Variants in IL7 observed in about 807,000 individuals in gnomAD.
The protein encoded by IL7 is interleukin-7.
IL7 carries 3 observed loss-of-function variants against 21.6 expected under a neutral mutation model. That is an observed-to-expected ratio of 0.14 (90% CI 0.06 to 0.36). IL7 has a LOEUF of 0.36. Ranked by LOEUF, IL7 falls within the 10% of genes least tolerant of loss-of-function variation. The pLI is 1.00. For missense variants in IL7, 175 were observed against 200.2 expected, an observed-to-expected ratio of 0.87 and a Z score of 0.76; for synonymous variants, 62 against 68.1, an observed-to-expected ratio of 0.91 and a Z score of 0.44.
downstream of IL7, among the ~76,000 whole-genome samples, chr8:78,716,205 C>T (rs1327508258): frequency 1.3e-5 from 2 of 151,560 alleles, no homozygotes; most frequent in Admixed American, 6.6e-5. Flanking sequence ...TCACTGCAAG[C>T]TGTGCCTCCC....
intron 3 of IL7, among the ~76,000 whole-genome samples, chr8:78,739,623 C>T (rs2130688256): frequency 6.6e-6 from 1 of 150,882 alleles, no homozygotes; most frequent in South Asian, 2.1e-4. Flanking sequence ...AACCAGGAGG[C>T]GGAGTTTGCA....
chr8:78,761,918 A>C, intron 2 of IL7: 1 of 1,611,420 alleles, frequency 6.2e-7, no homozygotes, highest in Non-Finnish European at 8.5e-7. Context: ...CAAGATTTCA[A>C]GTAGATATTT....
intron 4 of IL7, chr8:78,721,205 A>G (rs181037986): frequency 2.0e-5 from 3 of 152,166 alleles, no homozygotes; most frequent in East Asian, 3.9e-4. Context: ...TTTATCATGA[A>G]GATACCAAAA....
intron 4 of IL7, chr8:78,678,675 C>A (rs372195442): frequency 1.9e-6 from 3 of 1,602,866 alleles, no homozygotes; most frequent in Non-Finnish European, 2.6e-6. Flanking sequence ...CCTCTCAAAC[C>A]GAGGGTAACT....
At chr8:78,707,147 A>G (rs1810799022) in intron 3 of IL7, among the ~76,000 whole-genome samples, 3 of 152,236 alleles carry the variant, frequency 2.0e-5, no homozygotes, top group Non-Finnish European at 4.4e-5. Context: ...ACCATATCAC[A>G]GAGAATTGGC....
At chr8:78,717,251 G>A (rs2130621511), downstream of IL7, 2 of 1,323,572 alleles carry the variant, frequency 1.5e-6, no homozygotes, top group East Asian at 4.8e-5. Context: ...TTATATTTAT[G>A]TCCTGTTTCT....
Position 78,733,546 on chromosome 8 carries a change from C to A in IL7, c.*167G>T. The A allele has an allele frequency of 1.7e-6, 1 of 575,012 alleles. No homozygotes were observed. The highest frequency in any genetic ancestry group is 2.3e-5 in the South Asian group (1 of 43,918). 35.6% of individuals were successfully genotyped at this position (575,012 alleles called of 1,614,324 possible). A position where few individuals can be genotyped will look rare whatever the true frequency, so the allele number is the denominator to read the frequency against. ...GCATTCAGTTTCCATTGTTTGTATT[C>A]ATCTTCTAGTAATACAATATGCATT... On this transcript the variant is annotated 3_prime_UTR_variant, in exon 6 of 6. Coordinates refer to ENST00000263851, the MANE Select transcript of IL7 (RefSeq NM_000880.4).
At chr8:78,803,060 C>T (rs919203734) in intron 1 of IL7, among the ~76,000 whole-genome samples, 2 of 152,096 alleles carry the variant, frequency 1.3e-5, no homozygotes, top group Non-Finnish European at 2.9e-5. Context: ...CACGTAAGTT[C>T]GTTCTATGAA....
chr8:78,705,788 G>A (rs1292586490), intron 3 of IL7, among the ~76,000 whole-genome samples: 2 of 152,152 alleles, frequency 1.3e-5, no homozygotes, highest in Non-Finnish European at 2.9e-5. Flanking sequence ...GCTGGCTGGA[G>A]GTCCCAGTTG....
downstream of IL7, chr8:78,715,332 T>C (rs751198940): frequency 1.8e-5 from 29 of 1,604,810 alleles, no homozygotes; most frequent in Non-Finnish European, 2.3e-5. Context: ...TAGCCAGGTA[T>C]GTTTAGCTCT....
At chr8:78,704,174 G>C (rs925578823) in intron 3 of IL7, among the ~76,000 whole-genome samples, 23 of 152,002 alleles carry the variant, frequency 1.5e-4, no homozygotes, top group African/African-American at 2.4e-5. Context: ...CTGAGGTCAG[G>C]AGTTCAAGAC....
chr8:78,742,675 G>A (rs1043164123), intron 2 of IL7, among the ~76,000 whole-genome samples: 1 of 152,048 alleles, frequency 6.6e-6, no homozygotes, highest in Admixed American at 6.5e-5. Context: ...TCTTTACAGT[G>A]AGTTATATGC....
At chr8:78,685,795 A>C (rs1325094105) in intron 4 of IL7, 1 of 152,202 alleles carries the variant, frequency 6.6e-6, no homozygotes, top group East Asian at 1.9e-4. Context: ...TCTATGGAAA[A>C]ACAGGGAAAT....
At chr8:78,775,253 G>C (rs1018588029) in intron 2 of IL7, among the ~76,000 whole-genome samples, 3 of 152,070 alleles carry the variant, frequency 2.0e-5, no homozygotes, top group Non-Finnish European at 4.4e-5. Context: ...AGCTATCAGT[G>C]TTCATGTTAA....
At chr8:78,740,165 A>T in intron 2 of IL7, 83 bp from the exon 3 acceptor site, 1 of 793,510 alleles carries the variant, frequency 1.3e-6, no homozygotes, top group Non-Finnish European at 1.7e-6. Context: ...ATAATCTTAT[A>T]ATATCTGATA....
intron 3 of IL7, among the ~76,000 whole-genome samples, chr8:78,705,118 C>T (rs1810730799): frequency 6.6e-6 from 1 of 152,238 alleles, no homozygotes; most frequent in South Asian, 2.1e-4. Flanking sequence ...CTGTCTCAGC[C>T]TCAGCCTGAT....
intron 2 of IL7, among the ~76,000 whole-genome samples, chr8:78,757,376 A>G (rs1045627578): frequency 3.9e-5 from 6 of 152,024 alleles, no homozygotes; most frequent in Admixed American, 6.6e-5. Flanking sequence ...GTTGGATAAA[A>G]TATTACGTAA....
downstream of IL7, chr8:78,715,219 A>AGG (rs780143924): frequency 6.2e-7 from 1 of 1,611,292 alleles, no homozygotes; most frequent in African/African-American, 1.3e-5. Context: ...TCTTTTTTAT[A>AGG]GAGCTAATGT....
At chr8:78,796,164 T>C (rs1813846976) in intron 2 of IL7, among the ~76,000 whole-genome samples, 1 of 152,062 alleles carries the variant, frequency 6.6e-6, no homozygotes, top group Non-Finnish European at 1.5e-5. Context: ...TGATTGTCTA[T>C]GTAGAAAATT....
Sources: gnomAD v4.1 joint callset for allele counts (sites outside exome capture counted in the v4.1 genomes callset) on GRCh38, gnomAD v4.1.1 for gene constraint, MANE v1.5 for transcripts, NCBI Gene and HGNC (gene_info 2026-07-23, HGNC 2026-07-21) for gene names.